The following FRMD3 variants were observed in gnomAD, a reference collection of about 807,000 sequenced individuals.
The protein encoded by FRMD3 is FERM domain containing 3.
Under a neutral mutation model 70.2 loss-of-function variants are expected in FRMD3, and 33 were observed. The ratio of observed to expected loss-of-function variants is 0.47; its 90% CI spans 0.36 to 0.63. FRMD3 has a LOEUF of 0.63. FRMD3 is among the 20% of genes least tolerant of loss of function. The pLI is 0.00. For missense variants in FRMD3, 632 were observed against 711.4 expected (o/e 0.89, Z 1.27); for synonymous variants, 279 against 255.9 (o/e 1.09, Z -0.86).
chr9:83,403,507 A>G (rs1416435210), intron 1 of FRMD3, among the ~76,000 whole-genome samples: 2 of 152,164 alleles, frequency 1.3e-5, no homozygotes, highest in Admixed American at 1.3e-4. Flanking sequence ...GAGAAGGTTG[A>G]GAGGCTGGGA....
the FRMD3 span, among the ~76,000 whole-genome samples, chr9:83,548,454 A>G: frequency 6.6e-6 from 1 of 152,168 alleles, no homozygotes; most frequent in Non-Finnish European, 1.5e-5. Flanking sequence ...GCATATCACT[A>G]AGTGAAAGAA....
At chr9:83,525,902 CA>C (rs1199709648) in intron 1 of FRMD3, among the ~76,000 whole-genome samples, 1 of 152,056 alleles carries the variant, frequency 6.6e-6, no homozygotes, top group African/African-American at 2.4e-5. Context: ...GAAATACAGA[CA>C]AAAAAGGAAG....
intron 2 of FRMD3, among the ~76,000 whole-genome samples, chr9:83,378,943 G>A (rs964147776): frequency 1.5e-4 from 22 of 148,528 alleles, no homozygotes; most frequent in Non-Finnish European, 3.3e-4. Flanking sequence ...GGCCAGGCTG[G>A]TCTCAAACTC....
intron 1 of FRMD3, among the ~76,000 whole-genome samples, chr9:83,455,151 T>G (rs891217313): frequency 6.6e-6 from 1 of 152,218 alleles, no homozygotes; most frequent in African/African-American, 2.4e-5. Flanking sequence ...CCCATCCCTC[T>G]TGAATTCCAT....
chr9:83,573,298 C>A, the FRMD3 span, among the ~76,000 whole-genome samples: 34,818 of 151,776 alleles, frequency 0.23, 5,459 homozygotes, highest in East Asian at 0.66. Flanking sequence ...TTATAGTTTT[C>A]TTTTTCACTT....
chr9:83,558,306 G>A, the FRMD3 span, among the ~76,000 whole-genome samples: 1 of 152,196 alleles, frequency 6.6e-6, no homozygotes, highest in South Asian at 2.1e-4. Context: ...GTGCATGTGT[G>A]CGCCTGTGTG....
chr9:83,427,237 A>C (rs1372334234), intron 1 of FRMD3, among the ~76,000 whole-genome samples: 1 of 152,140 alleles, frequency 6.6e-6, no homozygotes, highest in Non-Finnish European at 1.5e-5. Flanking sequence ...ACATCAGGAA[A>C]CCTGGGGTCT....
chr9:83,267,899 T>C (rs1665413098), intron 13 of FRMD3, among the ~76,000 whole-genome samples: 1 of 152,202 alleles, frequency 6.6e-6, no homozygotes. Context: ...CTCAGCTCTT[T>C]TCAAAGTGCT....
chr9:83,447,847 T>C (rs1028409455), intron 1 of FRMD3, among the ~76,000 whole-genome samples: 2 of 152,210 alleles, frequency 1.3e-5, no homozygotes, highest in Non-Finnish European at 2.9e-5. Context: ...TTTGTCCTCA[T>C]TGTGCCCAAG....
At chr9:83,263,230 C>G (rs1833068323) in intron 13 of FRMD3, among the ~76,000 whole-genome samples, 1 of 152,206 alleles carries the variant, frequency 6.6e-6, no homozygotes, top group South Asian at 2.1e-4. Context: ...CTCTCTGACT[C>G]TGGACTTGTC....
At chr9:83,500,483 G>A (rs890159253) in intron 1 of FRMD3, among the ~76,000 whole-genome samples, 2 of 145,382 alleles carry the variant, frequency 1.4e-5, no homozygotes, top group Non-Finnish European at 3.0e-5. Flanking sequence ...CCTGCATAGA[G>A]TGCTTGGCGT....
At chr9:83,571,563 C>T in the FRMD3 span, among the ~76,000 whole-genome samples, 153 of 152,310 alleles carry the variant, frequency 1.0e-3, no homozygotes, top group African/African-American at 3.1e-3. Flanking sequence ...GTGTTGACAT[C>T]TGAATTGAGA....
intron 1 of FRMD3, among the ~76,000 whole-genome samples, chr9:83,531,537 C>T (rs998859599): frequency 2.0e-4 from 31 of 152,216 alleles, no homozygotes; most frequent in Non-Finnish European, 1.8e-4. Flanking sequence ...CCTCTCTCCT[C>T]TATTCCTTTT....
At chr9:83,424,957 G>C (rs1826761382) in intron 1 of FRMD3, among the ~76,000 whole-genome samples, 1 of 152,146 alleles carries the variant, frequency 6.6e-6, no homozygotes, top group African/African-American at 2.4e-5. Context: ...GCTCCAACTA[G>C]TATGAAAAAC....
At chr9:83,447,126 C>T (rs970629491) in intron 1 of FRMD3, among the ~76,000 whole-genome samples, 2 of 152,148 alleles carry the variant, frequency 1.3e-5, no homozygotes, top group South Asian at 2.1e-4. Flanking sequence ...CTGGTTCAAG[C>T]GATTCTCCTG....
chr9:83,557,428 G>C, the FRMD3 span, among the ~76,000 whole-genome samples: 1 of 152,334 alleles, frequency 6.6e-6, no homozygotes, highest in African/African-American at 2.4e-5. Context: ...CACAAATGCA[G>C]AATTGTGCTT....
intron 1 of FRMD3, among the ~76,000 whole-genome samples, chr9:83,429,713 T>G (rs756619357): frequency 6.6e-6 from 1 of 152,190 alleles, no homozygotes; most frequent in Non-Finnish European, 1.5e-5. Context: ...ATTATTAGTC[T>G]TCTCCTTCTT....
chr9:83,254,394 A>G (rs1309405882), intron 13 of FRMD3, among the ~76,000 whole-genome samples: 1 of 151,958 alleles, frequency 6.6e-6, no homozygotes, highest in African/African-American at 2.4e-5. Flanking sequence ...ATAAAATTCC[A>G]AATACCTTTC....
At chr9:83,543,142 CA>C (rs1830017359), upstream of FRMD3, among the ~76,000 whole-genome samples, 1 of 151,834 alleles carries the variant, frequency 6.6e-6, no homozygotes, top group Admixed American at 6.6e-5. Flanking sequence ...ACTGATCACC[CA>C]ATCTCCCCAA....
Sources: gnomAD v4.1 joint callset for allele counts (sites outside exome capture counted in the v4.1 genomes callset) on GRCh38, gnomAD v4.1.1 for gene constraint, MANE v1.5 for transcripts, NCBI Gene and HGNC (gene_info 2026-07-23, HGNC 2026-07-21) for gene names.